The following MAGI2 variants were observed in gnomAD, a reference collection of about 807,000 sequenced individuals.
The protein encoded by MAGI2 is membrane associated guanylate kinase, WW and PDZ domain containing 2.
MAGI2 carries 35 observed loss-of-function variants against 133.3 expected under a neutral mutation model. The observed-to-expected ratio is 0.26, with a 90% CI of 0.20 to 0.35. The LOEUF is 0.35. Among genes scored for constraint, MAGI2 ranks in the 10% least tolerant of loss-of-function variants. The probability of loss-of-function intolerance (pLI) is 1.00; values close to 1 mark genes in which losing one functional copy is unlikely to be tolerated. For synonymous variants in MAGI2, 729 were observed against 710.6 expected, an observed-to-expected ratio of 1.03 and a Z score of -0.41; for missense variants, 1,636 against 1,863.4, an observed-to-expected ratio of 0.88 and a Z score of 2.25.
intron 1 of MAGI2, among the ~76,000 whole-genome samples, chr7:79,028,795 C>T (rs1253427923): frequency 6.6e-6 from 1 of 152,036 alleles, no homozygotes; most frequent in Non-Finnish European, 1.5e-5. Context: ...TAAAAGAGGG[C>T]TCAGACATTA....
At chr7:79,415,780 A>T (rs568418832) in intron 1 of MAGI2, 2 of 152,256 alleles carry the variant, frequency 1.3e-5, no homozygotes, top group South Asian at 4.1e-4. Flanking sequence ...CTCCCTCACC[A>T]TTGGGTCTGA....
chr7:78,775,237 C>A (rs370321975), intron 2 of MAGI2, among the ~76,000 whole-genome samples: 1 of 146,246 alleles, frequency 6.8e-6, no homozygotes, highest in African/African-American at 2.5e-5. Context: ...GGTGTGAACC[C>A]GGGAGGCAGA....
intron 21 of MAGI2, among the ~76,000 whole-genome samples, chr7:78,027,606 C>T (rs535724010): frequency 5.8e-5 from 8 of 137,726 alleles, no homozygotes; most frequent in African/African-American, 1.7e-4. Flanking sequence ...CCAGCCTGGG[C>T]GACAGAGTGA....
chr7:78,192,136 ATCAC>A (rs1223453399), intron 12 of MAGI2, among the ~76,000 whole-genome samples: 1 of 152,186 alleles, frequency 6.6e-6, no homozygotes, highest in Non-Finnish European at 1.5e-5. Context: ...ACACCATGAG[ATCAC>A]TATAGGCTAG....
intron 2 of MAGI2, among the ~76,000 whole-genome samples, chr7:78,697,611 A>C (rs1563369886): frequency 6.6e-6 from 1 of 152,190 alleles, no homozygotes; most frequent in Non-Finnish European, 1.5e-5. Flanking sequence ...CAATACAAAA[A>C]AAGATTGCCA....
At chr7:78,722,254 A>T (rs187733507) in intron 2 of MAGI2, among the ~76,000 whole-genome samples, 1 of 152,048 alleles carries the variant, frequency 6.6e-6, no homozygotes, top group East Asian at 1.9e-4. Context: ...TTACTTTCAA[A>T]ACTAATATCC....
intron 9 of MAGI2, among the ~76,000 whole-genome samples, chr7:78,301,582 G>C (rs1797829753): frequency 1.3e-5 from 2 of 152,210 alleles, no homozygotes; most frequent in African/African-American, 4.8e-5. Flanking sequence ...TGATTCACAT[G>C]AAACATATCC....
intron 1 of MAGI2, chr7:79,410,293 C>A (rs1846058371): frequency 6.6e-6 from 1 of 151,982 alleles, no homozygotes; most frequent in Non-Finnish European, 1.5e-5. Context: ...AATCTGAATC[C>A]TAATTATTTT....
At chr7:78,804,761 A>AAAAAAAAAAAAAC (rs1788406574) in intron 2 of MAGI2, among the ~76,000 whole-genome samples, 1 of 143,520 alleles carries the variant, frequency 7.0e-6, no homozygotes. Context: ...AAAAAAAAAA[A>AAAAAAAAAAAAAC]AAAAAAAAAA....
chr7:78,926,530 C>T lies in MAGI2; in HGVS notation c.418+80560G>A, dbSNP rs1799706182. Reference sequence around the variant, plus strand: ...ATCCATACAGTTCCTGTCTTTCTTTCCTCTTCCCATCCCCTTCAAGATTCC... The same window carrying T: ...ATCCATACAGTTCCTGTCTTTCTTTTCTCTTCCCATCCCCTTCAAGATTCC... On this transcript the variant is annotated intron_variant, in intron 2 of 21. Coordinates refer to ENST00000354212, the MANE Select transcript of MAGI2 (RefSeq NM_012301.4). Among the ~76,000 whole-genome samples, 6 of 152,068 alleles carry T rather than the reference C, an allele frequency of 3.9e-5. No homozygotes were observed. In the South Asian group the frequency reaches 1.2e-3, roughly 31 times the overall value.
intron 12 of MAGI2, among the ~76,000 whole-genome samples, chr7:78,193,239 G>T (rs1828405409): frequency 6.6e-6 from 1 of 152,164 alleles, no homozygotes; most frequent in Admixed American, 6.5e-5. Flanking sequence ...AAAAAAGATG[G>T]AAGTGAATGA....
chr7:78,687,831 G>T (rs1816504250), intron 2 of MAGI2, among the ~76,000 whole-genome samples: 1 of 151,598 alleles, frequency 6.6e-6, no homozygotes, highest in Admixed American at 6.6e-5. Context: ...TAGTTGGGCA[G>T]TATTGGCATA....
At chr7:78,228,304 A>C (rs974817912) in intron 10 of MAGI2, among the ~76,000 whole-genome samples, 2 of 152,224 alleles carry the variant, frequency 1.3e-5, no homozygotes, top group African/African-American at 2.4e-5. Flanking sequence ...AACCATCTGC[A>C]TCAGAATCAC....
At chr7:78,561,058 G>A (rs1295146438) in intron 3 of MAGI2, among the ~76,000 whole-genome samples, 1 of 152,142 alleles carries the variant, frequency 6.6e-6, no homozygotes, top group Non-Finnish European at 1.5e-5. Flanking sequence ...GATTCACAGA[G>A]GTGTAGCAAA....
At chr7:79,119,333 G>C (rs78885713) in intron 1 of MAGI2, among the ~76,000 whole-genome samples, 4,510 of 152,182 alleles carry the variant, frequency 0.03, 82 homozygotes, top group South Asian at 0.045. Flanking sequence ...TATGAATCAA[G>C]TGTTTTTAAA....
intron 2 of MAGI2, among the ~76,000 whole-genome samples, chr7:78,864,943 A>T (rs1794431560): frequency 6.6e-6 from 1 of 152,176 alleles, no homozygotes; most frequent in South Asian, 2.1e-4. Flanking sequence ...AGGAGAGGAG[A>T]CTACTTTAAT....
At chr7:79,092,812 G>A (rs1011327521) in intron 1 of MAGI2, among the ~76,000 whole-genome samples, 4 of 151,910 alleles carry the variant, frequency 2.6e-5, no homozygotes, top group Non-Finnish European at 5.9e-5. Context: ...CTCTTTTCAG[G>A]CTAGGCATCA....
chr7:79,115,867 T>TA (rs1429967703), intron 1 of MAGI2, among the ~76,000 whole-genome samples: 1,508 of 149,208 alleles, frequency 0.01, 38 homozygotes, highest in African/African-American at 0.034. Flanking sequence ...TTTTTTTTTT[T>TA]TTTTTTTTTT....
At chr7:78,248,751 C>T (rs1272651533) in intron 10 of MAGI2, among the ~76,000 whole-genome samples, 1 of 152,048 alleles carries the variant, frequency 6.6e-6, no homozygotes, top group African/African-American at 2.4e-5. Context: ...AACGTAAGAT[C>T]CAAAACTATA....
Sources: gnomAD v4.1 joint callset for allele counts (sites outside exome capture counted in the v4.1 genomes callset) on GRCh38, gnomAD v4.1.1 for gene constraint, MANE v1.5 for transcripts, NCBI Gene and HGNC (gene_info 2026-07-23, HGNC 2026-07-21) for gene names.